The following FZD7 variants were observed in gnomAD, a reference collection of about 807,000 sequenced individuals.
FZD7 encodes frizzled class receptor 7, also known as frizzled-7.
A neutral mutation model predicts 39.0 loss-of-function variants in FZD7; 21 were observed. The ratio of observed to expected loss-of-function variants is 0.54; its 90% CI spans 0.38 to 0.78. The LOEUF (loss-of-function observed/expected upper bound fraction) is 0.78. Among genes scored for constraint, FZD7 ranks in the 30% least tolerant of loss-of-function variants. The probability of loss-of-function intolerance (pLI) is 0.00; values close to 1 mark genes in which losing one functional copy is unlikely to be tolerated. For synonymous variants in FZD7, 428 were observed against 364.9 expected (o/e 1.17, Z -1.97); for missense variants, 695 against 805.0 (o/e 0.86, Z 1.65).
rs1688712180 is a variant in FZD7 at position 202,034,936 on chromosome 2, G to A, written c.289G>A (p.Glu97Lys). 6.2e-7 allele frequency: 1 copy of A among 1,614,150 alleles called. No homozygotes were observed. Among genetic ancestry groups the A allele is most frequent in the Non-Finnish European group, 8.5e-7 (1 of 1,180,008 alleles). ...GCTGGTGAAGGTGCAGTGTTCTCCC[G>A]AACTCCGCTTTTTCTTATGCTCCAT... ...YPLVKVQCSP[E>K]LRFFLCSMYA... Residue 97 changes from glutamate to lysine, a missense_variant, in exon 1 of 1, where the codon GAA becomes AAA. Glu to Lys is a moderately conservative substitution (Grantham distance 56). Transcript: ENST00000286201.
chr2:202,036,371 G>A lies in FZD7; in HGVS notation c.1724G>A (p.Ter575=). ...AGCAGCAAGGGGGAGACTGCGGTATGAGCCCCGGCCCCTCCCCACCTTTCC... is the reference window on the plus strand; with the variant it reads ...AGCAGCAAGGGGGAGACTGCGGTATAAGCCCCGGCCCCTCCCCACCTTTCC... ...SHSSKGETAV[*] Residue 575 remains the stop codon, a stop_retained_variant, in exon 1 of 1, where the codon TGA becomes TAA. Coordinates refer to ENST00000286201, the MANE Select transcript of FZD7 (RefSeq NM_003507.2). The A allele has an allele frequency of 6.2e-7, 1 of 1,606,544 alleles. No homozygotes were observed. Among genetic ancestry groups the A allele is most frequent in the Non-Finnish European group, 8.5e-7 (1 of 1,175,644 alleles).
rs1332197379 is a variant in FZD7 at position 202,035,230 on chromosome 2, C to G, written c.583C>G (p.Pro195Ala). 6.2e-7 allele frequency: 1 copy of G among 1,600,718 alleles called. No homozygotes were observed. Among genetic ancestry groups the G allele is most frequent in the Admixed American group, 1.7e-5 (1 of 59,912 alleles). ...GGACCTGCCCTTCACCGCGCTGCCC[C>G]CGGGGGCCTCAGATGGCAGGGGGCG... ...LPDLPFTALP[P>A]GASDGRGRPA... is the part of the protein sequence containing the mutation. Residue 195 changes from proline (P) to alanine (A), a missense_variant, in exon 1 of 1, where the codon CCG becomes GCG. Transcript: ENST00000286201.
chr2:202,035,176 A>T lies in FZD7; in HGVS notation c.529A>T (p.Thr177Ser). Residue 177 changes from threonine to serine, a missense_variant, in exon 1 of 1, where the codon ACT becomes TCT. Coordinates refer to ENST00000286201, the MANE Select transcript of FZD7 (RefSeq NM_003507.2). ...DGSGGPGGGP[T>S]AYPTAPYLPD... The stretch of plus-strand genomic sequence containing the variant: ...CTCCGGGGGCCCAGGCGGCGGCCCC[A>T]CTGCCTACCCTACCGCGCCCTACCT... The T allele has an allele frequency of 6.2e-7, 1 of 1,600,878 alleles. No individual in the cohort carries two copies. Among genetic ancestry groups the T allele is most frequent in the Non-Finnish European group, 8.5e-7 (1 of 1,179,340 alleles).
rs776802145 is a variant in FZD7 at position 202,035,690 on chromosome 2, T to C, written c.1043T>C (p.Met348Thr). ...TTCATGGTGCTCTACTTCTTCGGCA[T>C]GGCCAGCTCCATCTGGTGGGTCATT... is the stretch of plus-strand genomic sequence containing the variant. ...ILFMVLYFFG[M>T]ASSIWWVILS... Residue 348 changes from methionine to threonine, a missense_variant, in exon 1 of 1, where the codon ATG becomes ACG. Coordinates refer to ENST00000286201, the MANE Select transcript of FZD7 (RefSeq NM_003507.2). 1.9e-6 allele frequency: 3 copies of C among 1,613,904 alleles called. No homozygotes were observed. The highest frequency in any genetic ancestry group is 2.5e-6 in the Non-Finnish European group (3 of 1,180,044).
rs1279144731 is a variant in FZD7, at chr2:202,034,184, C to T, written c.-464C>T. On this transcript the variant is annotated 5_prime_UTR_variant, in exon 1 of 1. Transcript: ENST00000286201. ...GAGGCCAGGAGGCGGGGCAGCACCGCGGAGGCGGCGGCCGGGGCGAGCGAG... is the reference window on the plus strand; with the variant it reads ...GAGGCCAGGAGGCGGGGCAGCACCGTGGAGGCGGCGGCCGGGGCGAGCGAG... Among the ~76,000 whole-genome samples the T allele has an allele frequency of 6.7e-6, 1 of 150,232 alleles. No individual in the cohort carries two copies. The highest frequency in any genetic ancestry group is 2.5e-5 in the African/African-American group (1 of 40,786).
rs1482815026 is a variant in FZD7 at position 202,035,589 on chromosome 2, G to A, written c.942G>A (p.Val314=). Residue 314 remains valine (V), a synonymous_variant, in exon 1 of 1, where the codon GTG becomes GTA. Coordinates refer to ENST00000286201, the MANE Select transcript of FZD7 (RefSeq NM_003507.2). ...GCTTCCTTCTAGAGGACCGCGCCGTGTGCGTGGAGCGCTTCTCGGACGATG... is the reference window on the plus strand; with the variant it reads ...GCTTCCTTCTAGAGGACCGCGCCGTATGCGTGGAGCGCTTCTCGGACGATG... ...VAGFLLEDRA[V]CVERFSDDGY... The A allele has an allele frequency of 6.2e-7, 1 of 1,614,150 alleles. No homozygotes were observed. Among genetic ancestry groups the A allele is most frequent in the East Asian group, 2.2e-5 (1 of 44,866 alleles).
Position 202,033,858 on chromosome 2 carries a change from A to C in FZD7, c.-790A>C, listed in dbSNP as rs1035825968. On this transcript the variant is annotated 5_prime_UTR_variant, in exon 1 of 1. Transcript: ENST00000286201. ...GCGACCAGCGCGACTCCGAGGCGTTAGTCGGCGCTCACTCCCGGCGGGCGG... is the reference window on the plus strand; with the variant it reads ...GCGACCAGCGCGACTCCGAGGCGTTCGTCGGCGCTCACTCCCGGCGGGCGG... Among the ~76,000 whole-genome samples the C allele has an allele frequency of 6.6e-6, 1 of 151,020 alleles. No individual in the cohort carries two copies. Among genetic ancestry groups the C allele is most frequent in the Non-Finnish European group, 1.5e-5 (1 of 67,682 alleles).
rs1216604665 is a variant in FZD7 at position 202,035,490 on chromosome 2, C to G, written c.843C>G (p.Arg281=). ...TCACCTACCTGGTGGACATGCGGCG[C>G]TTCAGCTACCCAGAGCGGCCCATCA... The part of the protein sequence containing the change: ...TVLTYLVDMR[R]FSYPERPIIF... The change falls in exon 1 of 1, where the codon CGC becomes CGG. Residue 281 remains arginine, a synonymous_variant. Transcript: ENST00000286201. The G allele has an allele frequency of 6.2e-7, 1 of 1,614,220 alleles. No individual in the cohort carries two copies. The highest frequency in any genetic ancestry group is 1.7e-5 in the Admixed American group (1 of 60,038).
Position 202,036,208 on chromosome 2 carries a change from C to T in FZD7, c.1561C>T (p.Pro521Ser), listed in dbSNP as rs1322184413. ...YAVPCPPGHF[P>S]PMSPDFTVFM... ...CGTGCCCTGCCCGCCCGGCCACTTC[C>T]CGCCCATGAGCCCCGACTTCACCGT... is the stretch of plus-strand genomic sequence containing the variant. Residue 521 changes from proline (P) to serine (S), a missense_variant, in exon 1 of 1, where the codon CCG becomes TCG. Coordinates refer to ENST00000286201, the MANE Select transcript of FZD7 (RefSeq NM_003507.2). The T allele has an allele frequency of 6.2e-7, 1 of 1,613,698 alleles. No homozygotes were observed. Among genetic ancestry groups the T allele is most frequent in the Admixed American group, 1.7e-5 (1 of 60,034 alleles).
rs962532274 is a variant in FZD7 at position 202,035,600 on chromosome 2, G to C, written c.953G>C (p.Arg318Pro). 8.7e-6 allele frequency: 14 copies of C among 1,614,042 alleles called. No homozygotes were observed. Among genetic ancestry groups the C allele is most frequent in the Non-Finnish European group, 1.2e-5 (14 of 1,180,048 alleles). The change falls in exon 1 of 1, where the codon CGC becomes CCC. Residue 318 changes from arginine (R) to proline (P), a missense_variant. Coordinates refer to ENST00000286201, the MANE Select transcript of FZD7 (RefSeq NM_003507.2). ...GAGGACCGCGCCGTGTGCGTGGAGCGCTTCTCGGACGATGGCTACCGCACG... is the reference window on the plus strand; with the variant it reads ...GAGGACCGCGCCGTGTGCGTGGAGCCCTTCTCGGACGATGGCTACCGCACG... ...LLEDRAVCVE[R>P]FSDDGYRTVA...
At position 202,037,513 on chromosome 2, in the gene FZD7, G is replaced by A. The variant is rs1688765611; in HGVS notation, c.*1141G>A. The A allele has an allele frequency of 6.0e-6, 1 of 167,062 alleles. No homozygotes were observed. The highest frequency in any genetic ancestry group is 2.4e-5 in the African/African-American group (1 of 41,440). The allele number at this position is 167,062 out of a possible 1,614,324, so 10.3% of individuals were successfully genotyped here. ...CGGAACACATGATCCAACAGACTATGTTAAAATATTCAGGGAAATCTCTCC... is the reference window on the plus strand; with the variant it reads ...CGGAACACATGATCCAACAGACTATATTAAAATATTCAGGGAAATCTCTCC... On this transcript the variant is annotated 3_prime_UTR_variant, in exon 1 of 1. Coordinates refer to ENST00000286201, the MANE Select transcript of FZD7 (RefSeq NM_003507.2).
chr2:202,035,593 G>A lies in FZD7; in HGVS notation c.946G>A (p.Val316Met), dbSNP rs1202884817. 6.2e-7 allele frequency: 1 copy of A among 1,614,148 alleles called. No homozygotes were observed. Among genetic ancestry groups the A allele is most frequent in the South Asian group, 1.1e-5 (1 of 91,086 alleles). The change falls in exon 1 of 1, where the codon GTG becomes ATG. Residue 316 changes from valine (V) to methionine (M), a missense_variant. Physicochemically the swap from Val to Met is conservative, Grantham distance 21 (BLOSUM62 1). Transcript: ENST00000286201. Reference protein sequence around the residue: ...GFLLEDRAVCVERFSDDGYRT... With the variant: ...GFLLEDRAVCMERFSDDGYRT... ...CCTTCTAGAGGACCGCGCCGTGTGCGTGGAGCGCTTCTCGGACGATGGCTA... is the reference window on the plus strand; with the variant it reads ...CCTTCTAGAGGACCGCGCCGTGTGCATGGAGCGCTTCTCGGACGATGGCTA...
At position 202,034,898 on chromosome 2, in the gene FZD7, A is replaced by C. The variant is rs780544230; in HGVS notation, c.251A>C (p.His84Pro). The change falls in exon 1 of 1, where the codon CAC becomes CCC. Residue 84 changes from histidine to proline, a missense_variant. Coordinates refer to ENST00000286201, the MANE Select transcript of FZD7 (RefSeq NM_003507.2). ...TNQEDAGLEV[H>P]QFYPLVKVQC... ...CAAGAGGACGCGGGCCTCGAGGTGC[A>C]CCAGTTCTACCCGCTGGTGAAGGTG... The C allele has an allele frequency of 6.2e-7, 1 of 1,614,186 alleles. No individual in the cohort carries two copies. The highest frequency in any genetic ancestry group is 8.5e-7 in the Non-Finnish European group (1 of 1,180,014).
At position 202,036,366 on chromosome 2, in the gene FZD7, G is replaced by C; in HGVS notation, c.1719G>C (p.Ala573=). The C allele has an allele frequency of 1.9e-6, 3 of 1,608,700 alleles. No individual in the cohort carries two copies. Among genetic ancestry groups the C allele is most frequent in the Non-Finnish European group, 2.5e-6 (3 of 1,176,980 alleles). ...GCCACAGCAGCAAGGGGGAGACTGC[G>C]GTATGAGCCCCGGCCCCTCCCCACC... ...RLSHSSKGET[A]V is the part of the protein sequence containing the mutation. The change falls in exon 1 of 1, where the codon GCG becomes GCC. Residue 573 remains alanine, a synonymous_variant. Transcript: ENST00000286201.
Position 202,036,222 on chromosome 2 carries a change from C to T in FZD7, c.1575C>T (p.Pro525=), listed in dbSNP as rs1004437982. ...CPPGHFPPMS[P]DFTVFMIKYL... ...CCGGCCACTTCCCGCCCATGAGCCC[C>T]GACTTCACCGTCTTCATGATCAAGT... Residue 525 remains proline, a synonymous_variant, in exon 1 of 1, where the codon CCC becomes CCT. Transcript: ENST00000286201. 1.9e-6 allele frequency: 3 copies of T among 1,613,552 alleles called. No individual in the cohort carries two copies. Among genetic ancestry groups the T allele is most frequent in the South Asian group, 2.2e-5 (2 of 91,082 alleles).
In FZD7 at chr2:202,033,888, G is replaced by C. The variant is rs950920556; in HGVS notation, c.-760G>C. ...GCGCTCACTCCCGGCGGGCGGCGGC[G>C]GCGGCGGCGGCGGCGGGCGCCAGGA... On this transcript the variant is annotated 5_prime_UTR_variant, in exon 1 of 1. Transcript: ENST00000286201. Among the ~76,000 whole-genome samples the C allele has an allele frequency of 1.3e-5, 2 of 151,082 alleles. No individual in the cohort carries two copies. Among genetic ancestry groups the C allele is most frequent in the Admixed American group, 1.3e-4 (2 of 15,154 alleles).
chr2:202,036,415 AGAG>A lies in FZD7; in HGVS notation c.*47_*49del, dbSNP rs754937674. The A allele has an allele frequency of 1.4e-6, 2 of 1,466,986 alleles. No individual in the cohort carries two copies. Among genetic ancestry groups the A allele is most frequent in the East Asian group, 2.3e-5 (1 of 43,950 alleles). 90.9% of individuals were successfully genotyped at this position (1,466,986 alleles called of 1,614,324 possible). A position where few individuals can be genotyped will look rare whatever the true frequency, so the allele number is the denominator to read the frequency against. Reference sequence around the variant, plus strand: ...CCTTTCCCACCCCAGCCCTCTTGCAAGAGGAGAGGCACGGTAGGGAAAAGAACT... The same window carrying A: ...CCTTTCCCACCCCAGCCCTCTTGCAAGAGAGGCACGGTAGGGAAAAGAACT... On this transcript the variant is annotated 3_prime_UTR_variant, in exon 1 of 1. Coordinates refer to ENST00000286201, the MANE Select transcript of FZD7 (RefSeq NM_003507.2).
chr2:202,037,644 T>TAATAA lies in FZD7; in HGVS notation c.*1274_*1278dup, dbSNP rs1688768229. ...AAAAAACATAATGTCTTCAGCCTCA[T>TAATAA]AATAAAGGAAAGTTAATTAAAAAAA... On this transcript the variant is annotated 3_prime_UTR_variant, in exon 1 of 1. Coordinates refer to ENST00000286201, the MANE Select transcript of FZD7 (RefSeq NM_003507.2). 1 of 166,566 alleles carries TAATAA rather than the reference T, an allele frequency of 6.0e-6. No individual in the cohort carries two copies. The highest frequency in any genetic ancestry group is 1.5e-5 in the Non-Finnish European group (1 of 68,064). The allele number at this position is 166,566 out of a possible 1,614,324, so 10.3% of individuals were successfully genotyped here.
Position 202,034,321 on chromosome 2 carries a change from C to A in FZD7, c.-327C>A, listed in dbSNP as rs1040859685. ...GGCAAACTTTGAAGGGTGCCGGAGC[C>A]GCTTGTTGCTCCTCGCGGCGGAGGG... On this transcript the variant is annotated 5_prime_UTR_variant, in exon 1 of 1. Transcript: ENST00000286201. 5.3e-5 allele frequency among the ~76,000 whole-genome samples: 8 copies of A among 151,874 alleles called. No individual in the cohort carries two copies. The highest frequency in any genetic ancestry group is 4.6e-4 in the Admixed American group (7 of 15,262).
Sources: gnomAD v4.1 joint callset for allele counts (sites outside exome capture counted in the v4.1 genomes callset) on GRCh38, gnomAD v4.1.1 for gene constraint, MANE v1.5 for transcripts, NCBI Gene and HGNC (gene_info 2026-07-23, HGNC 2026-07-21) for gene names.